KCNC2: variants seen among roughly 807,000 people sequenced by gnomAD.
KCNC2 encodes potassium voltage-gated channel subfamily C member 2, also known as voltage-gated potassium channel KCNC2.
Under a neutral mutation model 44.5 loss-of-function variants are expected in KCNC2, and 21 were observed. That is an observed-to-expected ratio of 0.47 (90% CI 0.33 to 0.68). The LOEUF (loss-of-function observed/expected upper bound fraction) is 0.68, where lower values mean the gene tolerates loss of function less well. Ranked by LOEUF, KCNC2 falls within the 30% of genes least tolerant of loss-of-function variation. The pLI, the probability that KCNC2 is intolerant of heterozygous loss-of-function variation, is 0.01. For missense variants in KCNC2, 589 were observed against 826.2 expected, an observed-to-expected ratio of 0.71 and a Z score of 3.52; for synonymous variants, 391 against 339.1, an observed-to-expected ratio of 1.15 and a Z score of -1.68.
At chr12:75,070,703 AT>A (rs1376554867) in intron 2 of KCNC2, among the ~76,000 whole-genome samples, 1 of 151,968 alleles carries the variant, frequency 6.6e-6, no homozygotes, top group East Asian at 1.9e-4. Context: ...TTATTAATAT[AT>A]TTTATTTATA....
intron 2 of KCNC2, among the ~76,000 whole-genome samples, chr12:75,106,894 A>G (rs1405001096): frequency 6.6e-6 from 1 of 152,258 alleles, no homozygotes; most frequent in Non-Finnish European, 1.5e-5. Flanking sequence ...GAAAGCCAAT[A>G]TTAGTCAAGC....
chr12:75,162,651 T>C (rs536545000), intron 2 of KCNC2, among the ~76,000 whole-genome samples: 1 of 151,838 alleles, frequency 6.6e-6, no homozygotes, highest in Non-Finnish European at 1.5e-5. Context: ...TAAAGCTACA[T>C]AAAAAGAGGC....
At chr12:75,085,046 C>T (rs1046061624) in intron 2 of KCNC2, among the ~76,000 whole-genome samples, 1 of 150,748 alleles carries the variant, frequency 6.6e-6, no homozygotes, top group Non-Finnish European at 1.5e-5. Context: ...AAAAAAAGGA[C>T]ATCATCCTAT....
At chr12:75,184,072 T>G (rs1019150131) in intron 2 of KCNC2, among the ~76,000 whole-genome samples, 3 of 152,158 alleles carry the variant, frequency 2.0e-5, no homozygotes, top group Non-Finnish European at 2.9e-5. Context: ...CTCTATAAAC[T>G]TCACTTCTCC....
At chr12:75,177,247 C>T (rs1892252528) in intron 2 of KCNC2, among the ~76,000 whole-genome samples, 1 of 151,686 alleles carries the variant, frequency 6.6e-6, no homozygotes, top group Admixed American at 6.6e-5. Flanking sequence ...CTCTACTTCT[C>T]AGCAAAAAGA....
chr12:75,072,591 GA>G (rs1386451724), intron 2 of KCNC2, among the ~76,000 whole-genome samples: 2 of 150,174 alleles, frequency 1.3e-5, no homozygotes, highest in African/African-American at 4.9e-5. Context: ...ATATTTCAAA[GA>G]AAAAATAGAA....
chr12:75,107,949 T>TA (rs1021364993), intron 2 of KCNC2, among the ~76,000 whole-genome samples: 3 of 151,944 alleles, frequency 2.0e-5, no homozygotes, highest in African/African-American at 7.3e-5. Context: ...AAAAGACTTT[T>TA]AAAAAAGAGG....
chr12:75,177,700 T>G (rs147061397), intron 2 of KCNC2, among the ~76,000 whole-genome samples: 3 of 152,144 alleles, frequency 2.0e-5, no homozygotes, highest in African/African-American at 7.2e-5. Flanking sequence ...CTTGAGAACT[T>G]TAGAAGAATG....
At chr12:75,115,792 A>G (rs1887618971) in intron 2 of KCNC2, among the ~76,000 whole-genome samples, 1 of 152,136 alleles carries the variant, frequency 6.6e-6, no homozygotes, top group African/African-American at 2.4e-5. Context: ...AAACAAAATT[A>G]TTTAAGAAAC....
chr12:75,123,485 G>A (rs756445016), intron 2 of KCNC2, among the ~76,000 whole-genome samples: 12 of 152,134 alleles, frequency 7.9e-5, no homozygotes, highest in Non-Finnish European at 1.8e-4. Flanking sequence ...AACTGAACAG[G>A]CAGTTTCTAA....
chr12:75,133,065 G>A (rs1168832739), intron 2 of KCNC2, among the ~76,000 whole-genome samples: 1 of 151,922 alleles, frequency 6.6e-6, no homozygotes, highest in Admixed American at 6.6e-5. Flanking sequence ...ATCGATGATA[G>A]ACTTTATCAA....
chr12:75,066,103 T>G (rs1882803131), intron 2 of KCNC2, among the ~76,000 whole-genome samples: 1 of 152,128 alleles, frequency 6.6e-6, no homozygotes, highest in Non-Finnish European at 1.5e-5. Flanking sequence ...CCTAAATTTA[T>G]GATAGCAATA....
chr12:75,171,520 C>T (rs1208930652), intron 2 of KCNC2, among the ~76,000 whole-genome samples: 2 of 151,774 alleles, frequency 1.3e-5, no homozygotes, highest in African/African-American at 4.8e-5. Flanking sequence ...GGAGGACATT[C>T]TGTTAAGTGA....
chr12:75,107,445 C>T (rs1179697169), intron 2 of KCNC2, among the ~76,000 whole-genome samples: 1 of 151,982 alleles, frequency 6.6e-6, no homozygotes, highest in Non-Finnish European at 1.5e-5. Context: ...AAATATTTTT[C>T]AGCGTCTATG....
chr12:75,113,168 C>A (rs938272925), intron 2 of KCNC2, among the ~76,000 whole-genome samples: 1 of 152,092 alleles, frequency 6.6e-6, no homozygotes, highest in Non-Finnish European at 1.5e-5. Context: ...AACATTTGAA[C>A]ATCTGGAATG....
At chr12:75,124,880 G>A (rs1888295471) in intron 2 of KCNC2, 1 of 152,198 alleles carries the variant, frequency 6.6e-6, no homozygotes, top group Non-Finnish European at 1.5e-5. Flanking sequence ...CGAGGCGGGT[G>A]GATCACGAGG....
Position 75,040,387 on chromosome 12 carries a change from T to C in KCNC2, c.*2718A>G, listed in dbSNP as rs1879773620. On this transcript the variant is annotated 3_prime_UTR_variant, in exon 5 of 5. Transcript: ENST00000549446. ...TGCCACAAAACTCACAAAAAAGTAA[T>C]TGATTAAAGAATATCTCTTTTATGC... 1.3e-5 allele frequency: 2 copies of C among 152,310 alleles called. No homozygotes were observed. The highest frequency in any genetic ancestry group is 2.4e-5 in the African/African-American group (1 of 41,410). The allele number at this position is 152,310 out of a possible 1,614,324, so 9.4% of individuals were successfully genotyped here.
At chr12:75,194,693 A>C (rs1321651603) in intron 2 of KCNC2, among the ~76,000 whole-genome samples, 2 of 152,218 alleles carry the variant, frequency 1.3e-5, no homozygotes, top group African/African-American at 4.8e-5. Context: ...TATATCCAGG[A>C]AGGGCAAAAA....
rs2031750320 is a variant in KCNC2 at position 75,207,162 on chromosome 12, C to T, written c.687+135G>A. On this transcript the variant is annotated intron_variant, in intron 2 of 4. Coordinates refer to ENST00000549446, the MANE Select transcript of KCNC2 (RefSeq NM_139137.4). This position sits in a 1 kb window ranked among gnomAD's most constrained non-coding sequence, Gnocchi z 4.1. ...GGTTTACCCTGCAAAGGATGAGCCT[C>T]TAACTGTATCGCTAGGAAATCCCGG... 1 of 1,431,540 alleles carries T rather than the reference C, an allele frequency of 7.0e-7. No homozygotes were observed. Among genetic ancestry groups the T allele is most frequent in the Middle Eastern group, 2.5e-4 (1 of 3,922 alleles). 88.7% of individuals were successfully genotyped at this position (1,431,540 alleles called of 1,614,324 possible).
Sources: allele counts gnomAD v4.1 joint callset (sites outside exome capture counted in the v4.1 genomes callset), GRCh38; gene constraint gnomAD v4.1.1; non-coding constraint Gnocchi (gnomAD v3.1); transcripts MANE v1.5; gene names NCBI Gene and HGNC (gene_info 2026-07-23, HGNC 2026-07-21).